The following DTNB variants were observed in gnomAD, a reference collection of about 807,000 sequenced individuals.
DTNB encodes dystrobrevin beta.
A neutral mutation model predicts 90.7 loss-of-function variants in DTNB; 63 were observed. That is an observed-to-expected ratio of 0.69 (90% confidence interval 0.57 to 0.86). The LOEUF is 0.86. Among genes scored for constraint, DTNB ranks in the 40% least tolerant of loss-of-function variants. The probability of loss-of-function intolerance (pLI) is 0.00; values close to 1 mark genes in which losing one functional copy is unlikely to be tolerated. For missense variants in DTNB, 744 were observed against 807.1 expected, an observed-to-expected ratio of 0.92 and a Z score of 0.95; for synonymous variants, 277 against 286.7, an observed-to-expected ratio of 0.97 and a Z score of 0.34.
intron 10 of DTNB, among the ~76,000 whole-genome samples, chr2:25,468,398 G>T (rs961941058): frequency 1.3e-5 from 2 of 152,158 alleles, no homozygotes; most frequent in African/African-American, 4.8e-5. Flanking sequence ...GCTGCAATAT[G>T]CTTGTCTGAA....
chr2:25,607,337 T>G lies in DTNB; in HGVS notation c.363-16A>C, dbSNP rs760460484. 77 of 1,573,938 alleles carry G rather than the reference T, an allele frequency of 4.9e-5. No individual in the cohort carries two copies. Among genetic ancestry groups the G allele is most frequent in the Non-Finnish European group, 5.9e-5 (68 of 1,158,954 alleles). Reference sequence around the variant, plus strand: ...TCGGCCCTCACTGCAAAATAAATTATATTAGAAATAATTGCTATCTGAAAC... The same window carrying G: ...TCGGCCCTCACTGCAAAATAAATTAGATTAGAAATAATTGCTATCTGAAAC... On this transcript the variant is annotated splice_polypyrimidine_tract_variant and intron_variant, in intron 4 of 20. Coordinates refer to ENST00000406818, the MANE Select transcript of DTNB (RefSeq NM_021907.5).
chr2:25,560,914 G>A (rs2058163577), intron 8 of DTNB, among the ~76,000 whole-genome samples: 1 of 152,138 alleles, frequency 6.6e-6, no homozygotes, highest in Non-Finnish European at 1.5e-5. Context: ...TAATATATCT[G>A]TTAATACATA....
intron 3 of DTNB, among the ~76,000 whole-genome samples, chr2:25,634,318 C>T (rs1158886314): frequency 2.6e-5 from 3 of 116,334 alleles, no homozygotes; most frequent in Non-Finnish European, 5.8e-5. Context: ...CCAGCCGCCC[C>T]GTCCGGGAGG....
intron 8 of DTNB, among the ~76,000 whole-genome samples, chr2:25,542,409 G>A (rs1344954907): frequency 1.3e-5 from 2 of 152,282 alleles, no homozygotes; most frequent in East Asian, 3.9e-4. Context: ...AACCACTGCT[G>A]AATTGAGTTT....
At chr2:25,551,716 A>G (rs2083695755) in intron 8 of DTNB, among the ~76,000 whole-genome samples, 1 of 152,234 alleles carries the variant, frequency 6.6e-6, no homozygotes, top group African/African-American at 2.4e-5. Context: ...TTTGGTGTAG[A>G]AACAGGACAA....
At chr2:25,632,000 G>T (rs1240617288) in intron 3 of DTNB, among the ~76,000 whole-genome samples, 1 of 152,028 alleles carries the variant, frequency 6.6e-6, no homozygotes, top group African/African-American at 2.4e-5. Context: ...TTCAAGACCA[G>T]CCTGGCCAAC....
At chr2:25,407,783 G>C (rs896820351) in intron 16 of DTNB, among the ~76,000 whole-genome samples, 3 of 152,256 alleles carry the variant, frequency 2.0e-5, no homozygotes, top group East Asian at 3.9e-4. Context: ...GGAGAGGTTG[G>C]GAGGGGCGTG....
intron 12 of DTNB, among the ~76,000 whole-genome samples, chr2:25,438,180 G>T (rs2056449454): frequency 6.6e-6 from 1 of 152,106 alleles, no homozygotes; most frequent in Non-Finnish European, 1.5e-5. Context: ...AGCGAGGCAC[G>T]GGGAGATGAA....
chr2:25,458,155 C>G (rs1211648343), intron 10 of DTNB, among the ~76,000 whole-genome samples: 1 of 152,106 alleles, frequency 6.6e-6, no homozygotes, highest in East Asian at 1.9e-4. Flanking sequence ...TAACATCGTT[C>G]TCAAACGGCT....
chr2:25,453,292 C>T (rs1450284888), intron 11 of DTNB, among the ~76,000 whole-genome samples: 1 of 152,150 alleles, frequency 6.6e-6, no homozygotes, highest in Non-Finnish European at 1.5e-5. Flanking sequence ...GTTTTCTAGC[C>T]AGAAACTAGA....
At chr2:25,636,749 C>A (rs1196386107) in intron 3 of DTNB, among the ~76,000 whole-genome samples, 1 of 151,950 alleles carries the variant, frequency 6.6e-6, no homozygotes, top group Non-Finnish European at 1.5e-5. Flanking sequence ...TTTTATTTTT[C>A]TTCCTTTTTT....
In DTNB at chr2:25,388,995, C is replaced by T. The variant is rs867736544; in HGVS notation, c.1576-634G>A. 4.6e-5 allele frequency among the ~76,000 whole-genome samples: 7 copies of T among 152,156 alleles called. No individual in the cohort carries two copies. In the South Asian group the frequency reaches 6.2e-4, roughly 14 times the overall value. The stretch of plus-strand genomic sequence containing the variant: ...CCGAGTAGCTGGGACTACAGGTGTG[C>T]GCCACCACGCTGGGCTAATTTTTTG... On this transcript the variant is annotated intron_variant, in intron 16 of 20. Coordinates refer to ENST00000406818, the MANE Select transcript of DTNB (RefSeq NM_021907.5).
chr2:25,481,119 C>T (rs765775061), intron 10 of DTNB, among the ~76,000 whole-genome samples: 1 of 151,910 alleles, frequency 6.6e-6, no homozygotes, highest in African/African-American at 2.4e-5. Flanking sequence ...GAAAACAAGG[C>T]CAGGTATGGT....
rs78594412 is a variant in DTNB at position 25,660,333 on chromosome 2, C to G, written c.-1-7672G>C. 2.9e-3 allele frequency among the ~76,000 whole-genome samples: 447 copies of G among 152,208 alleles called. 3 individuals are homozygous for G. The highest frequency in any genetic ancestry group is 0.01 in the African/African-American group (433 of 41,544). ...ATGAAAGAAGCCAGTCATAGAAGAC[C>G]ATGTATTATATGATTCCAGTTCTAT... On this transcript the variant is annotated intron_variant, in intron 1 of 20. Coordinates refer to ENST00000406818, the MANE Select transcript of DTNB (RefSeq NM_021907.5).
At chr2:25,450,388 T>C (rs958176908) in intron 12 of DTNB, among the ~76,000 whole-genome samples, 1 of 152,234 alleles carries the variant, frequency 6.6e-6, no homozygotes, top group Non-Finnish European at 1.5e-5. Context: ...GATACTCTAT[T>C]CTGTTCCTTT....
Position 25,650,143 on chromosome 2 carries a change from GA to G in DTNB, c.67+2450del, listed in dbSNP as rs1201855630. On this transcript the variant is annotated intron_variant, in intron 2 of 20. Transcript: ENST00000406818. ...CCCAGTTCTTGGCAGGACTACTTCA[GA>G]TCTCTACCCCATCAACGCCTGCATG... is the stretch of plus-strand genomic sequence containing the variant. 2.6e-5 allele frequency: 26 copies of G among 985,448 alleles called. No homozygotes were observed. The South Asian group carries it at 6.1e-4, about 23-fold the overall frequency. The allele number at this position is 985,448 out of a possible 1,614,324, so 61.0% of individuals were successfully genotyped here.
At chr2:25,529,739 AG>A (rs2077797447) in intron 9 of DTNB, among the ~76,000 whole-genome samples, 1 of 152,230 alleles carries the variant, frequency 6.6e-6, no homozygotes, top group South Asian at 2.1e-4. Flanking sequence ...ACTGCACAAA[AG>A]GATCCACAGA....
chr2:25,647,317 C>T (rs1385571586), intron 2 of DTNB, among the ~76,000 whole-genome samples: 1 of 152,154 alleles, frequency 6.6e-6, no homozygotes, highest in Non-Finnish European at 1.5e-5. Context: ...TTGATCAAAG[C>T]AGAAATATTT....
At chr2:25,649,667 C>T (rs564645920) in intron 2 of DTNB, among the ~76,000 whole-genome samples, 6 of 152,140 alleles carry the variant, frequency 3.9e-5, no homozygotes, top group South Asian at 2.1e-4. Flanking sequence ...TGCAGTGAGC[C>T]GTGATCATAC....
Sources: allele counts gnomAD v4.1 joint callset (sites outside exome capture counted in the v4.1 genomes callset), GRCh38; gene constraint gnomAD v4.1.1; transcripts MANE v1.5; gene names NCBI Gene and HGNC (gene_info 2026-07-23, HGNC 2026-07-21).